Variants in DLC1 observed in about 807,000 individuals in gnomAD.
The protein encoded by DLC1 is DLC1 Rho GTPase activating protein.
DLC1 carries 54 observed loss-of-function variants against 140.3 expected under a neutral mutation model. That is an observed-to-expected ratio of 0.38 (90% CI 0.31 to 0.48). DLC1 has a LOEUF of 0.48. Among genes scored for constraint, DLC1 ranks in the 20% least tolerant of loss-of-function variants. The pLI, the probability that DLC1 is intolerant of heterozygous loss-of-function variation, is 0.96. For missense variants in DLC1, 2,536 were observed against 1,907.0 expected, an observed-to-expected ratio of 1.33 and a Z score of -6.14; for synonymous variants, 986 against 728.1, an observed-to-expected ratio of 1.35 and a Z score of -5.70.
intron 7 of DLC1, among the ~76,000 whole-genome samples, chr8:13,107,406 A>G (rs1168394517): frequency 6.6e-6 from 1 of 152,230 alleles, no homozygotes; most frequent in East Asian, 1.9e-4. Context: ...TGCATAAAAT[A>G]TGGTCCAGTA....
At chr8:13,342,450 T>C (rs1834106162) in intron 4 of DLC1, 1 of 152,244 alleles carries the variant, frequency 6.6e-6, no homozygotes, top group Admixed American at 6.5e-5. Flanking sequence ...TGTGAAAGTA[T>C]TTTTCAGATG....
chr8:13,366,174 G>C (rs908666880), intron 4 of DLC1, among the ~76,000 whole-genome samples: 2 of 152,184 alleles, frequency 1.3e-5, no homozygotes, highest in African/African-American at 4.8e-5. Flanking sequence ...TCCTAGTCCT[G>C]GAATTCCTAT....
intron 1 of DLC1, among the ~76,000 whole-genome samples, chr8:13,591,159 A>G (rs530083302): frequency 1.3e-5 from 2 of 152,090 alleles, no homozygotes; most frequent in Non-Finnish European, 2.9e-5. Flanking sequence ...TTAGGGAGAT[A>G]TTAAAAATAG....
chr8:13,317,445 C>G (rs1451305264), intron 4 of DLC1, among the ~76,000 whole-genome samples: 1 of 152,068 alleles, frequency 6.6e-6, no homozygotes, highest in Admixed American at 6.5e-5. Context: ...GCTTTGCTAA[C>G]TAAACATTTT....
intron 4 of DLC1, among the ~76,000 whole-genome samples, chr8:13,365,638 C>G (rs1835444666): frequency 6.6e-6 from 1 of 152,106 alleles, no homozygotes; most frequent in African/African-American, 2.4e-5. Context: ...CTGAGCGAGC[C>G]GTGGTGAGAC....
chr8:13,148,465 T>C (rs1404483859), intron 5 of DLC1, among the ~76,000 whole-genome samples: 2 of 152,196 alleles, frequency 1.3e-5, no homozygotes, highest in African/African-American at 4.8e-5. Context: ...CAGGGTTCTG[T>C]TCGTTTTTGT....
At chr8:13,436,264 G>T (rs116716048) in intron 2 of DLC1, among the ~76,000 whole-genome samples, 3 of 152,154 alleles carry the variant, frequency 2.0e-5, no homozygotes, top group African/African-American at 7.2e-5. Context: ...TAGGAAACAC[G>T]TTTTGCTGTG....
intron 2 of DLC1, among the ~76,000 whole-genome samples, chr8:13,424,384 G>A (rs899604862): frequency 2.6e-5 from 4 of 151,916 alleles, no homozygotes; most frequent in Admixed American, 6.6e-5. Flanking sequence ...AGGTACTCTG[G>A]AGGCTGAGAC....
intron 5 of DLC1, among the ~76,000 whole-genome samples, chr8:13,237,341 T>TAC (rs1254556555): frequency 4.7e-5 from 7 of 147,928 alleles, no homozygotes; most frequent in South Asian, 2.1e-4. Context: ...TATATATATA[T>TAC]ACACACACAC....
rs1039209800 is a variant in DLC1 at position 13,500,208 on chromosome 8, T to A, written c.-125-12A>T. ...TGTCATTTCACCACCTATTAAAAAA[T>A]TCAAAAAAATATGTAGTCGCAGATA... is the stretch of plus-strand genomic sequence containing the variant. On this transcript the variant is annotated splice_polypyrimidine_tract_variant and intron_variant, in intron 1 of 17. Coordinates refer to ENST00000276297, the MANE Select transcript of DLC1 (RefSeq NM_182643.3). 14 of 739,932 alleles carry A rather than the reference T, an allele frequency of 1.9e-5. No homozygotes were observed. The highest frequency in any genetic ancestry group is 5.3e-5 in the African/African-American group (3 of 57,094). The allele number at this position is 739,932 out of a possible 1,614,324, so 45.8% of individuals were successfully genotyped here. A position where few individuals can be genotyped will look rare whatever the true frequency, so the allele number is the denominator to read the frequency against.
chr8:13,404,575 T>A (rs1711926270), intron 2 of DLC1, among the ~76,000 whole-genome samples: 1 of 152,158 alleles, frequency 6.6e-6, no homozygotes, highest in South Asian at 2.1e-4. Context: ...TTAAATACAT[T>A]TATTTTCCTT....
At chr8:13,582,878 C>CTATATATATATATATATATA (rs55681527) in intron 1 of DLC1, among the ~76,000 whole-genome samples, 3 of 103,094 alleles carry the variant, frequency 2.9e-5, no homozygotes, top group African/African-American at 7.1e-5. Flanking sequence ...ATACTGTGGT[C>CTATATATATATATATATATA]TATATATATA....
chr8:13,414,180 G>T (rs957410962), intron 2 of DLC1, among the ~76,000 whole-genome samples: 3 of 151,976 alleles, frequency 2.0e-5, no homozygotes, highest in Non-Finnish European at 4.4e-5. Flanking sequence ...TGAATTATGA[G>T]GAATTAAAAA....
intron 2 of DLC1, among the ~76,000 whole-genome samples, chr8:13,456,662 T>C (rs1311378528): frequency 6.6e-6 from 1 of 152,138 alleles, no homozygotes; most frequent in African/African-American, 2.4e-5. Context: ...TTTCACCATG[T>C]GGGCCAGGCT....
chr8:13,176,372 A>G (rs561897448), intron 5 of DLC1, among the ~76,000 whole-genome samples: 1 of 152,260 alleles, frequency 6.6e-6, no homozygotes, highest in Non-Finnish European at 1.5e-5. Context: ...AGGTCAGGAG[A>G]TCGAGATTAT....
chr8:13,460,200 A>C (rs545252873), intron 2 of DLC1, among the ~76,000 whole-genome samples: 26 of 152,310 alleles, frequency 1.7e-4, no homozygotes, highest in African/African-American at 6.0e-4. Context: ...GGGGATTCTA[A>C]AATACACTGC....
intron 2 of DLC1, among the ~76,000 whole-genome samples, chr8:13,496,577 T>TAC (rs1360660364): frequency 1.2e-3 from 152 of 128,750 alleles, no homozygotes; most frequent in African/African-American, 2.5e-3. Flanking sequence ...CATATATATA[T>TAC]ACACACACAC....
chr8:13,566,716 C>T (rs189074199), intron 1 of DLC1: 7 of 450,688 alleles, frequency 1.6e-5, no homozygotes, highest in Non-Finnish European at 2.4e-5. Context: ...AGCAGGAGTG[C>T]AGAAGACAGG....
At chr8:13,539,207 G>C (rs778587834) in intron 1 of DLC1, among the ~76,000 whole-genome samples, 1 of 151,882 alleles carries the variant, frequency 6.6e-6, no homozygotes, top group Non-Finnish European at 1.5e-5. Context: ...ATGTATGTAT[G>C]TATTTATTTT....
Sources: allele counts gnomAD v4.1 joint callset (sites outside exome capture counted in the v4.1 genomes callset), GRCh38; gene constraint gnomAD v4.1.1; transcripts MANE v1.5; gene names NCBI Gene and HGNC (gene_info 2026-07-23, HGNC 2026-07-21).